ANO3: variants seen among roughly 807,000 people sequenced by gnomAD.
ANO3 encodes the protein anoctamin-3.
In ANO3, 99 loss-of-function variants were observed where a neutral mutation model predicts 144.8. That is an observed-to-expected ratio of 0.68 (90% CI 0.58 to 0.81). The LOEUF (loss-of-function observed/expected upper bound fraction) is 0.81, where lower values mean the gene tolerates loss of function less well. Ranked by LOEUF, ANO3 falls within the 30% of genes least tolerant of loss-of-function variation. The pLI is 0.00. For missense variants in ANO3, 905 were observed against 1,202.2 expected (o/e 0.75, Z 3.66); for synonymous variants, 414 against 392.6 (o/e 1.05, Z -0.64).
At chr11:26,494,655 G>T (rs11029583) in intron 4 of ANO3, among the ~76,000 whole-genome samples, 25,172 of 152,182 alleles carry the variant, frequency 0.17, 2,254 homozygotes, top group South Asian at 0.29. Flanking sequence ...TAGATTTCAT[G>T]TAAGAAATTC....
intron 1 of ANO3, chr11:26,287,579 T>C (rs894862197): frequency 6.6e-6 from 1 of 152,162 alleles, no homozygotes; most frequent in African/African-American, 2.4e-5. Context: ...AAATATATGA[T>C]AAGTACTGTT....
At chr11:26,657,843 A>G (rs1312420193) in intron 26 of ANO3, among the ~76,000 whole-genome samples, 3 of 152,158 alleles carry the variant, frequency 2.0e-5, no homozygotes, top group Non-Finnish European at 4.4e-5. Flanking sequence ...TGTCTTCCGT[A>G]TGATATTTCA....
intron 17 of ANO3, among the ~76,000 whole-genome samples, chr11:26,618,946 A>T (rs541805427): frequency 3.0e-4 from 45 of 152,262 alleles, no homozygotes; most frequent in South Asian, 2.7e-3. Context: ...TTGTTTGGAC[A>T]TGTCAATTAT....
At chr11:26,341,172 A>T (rs981192608) in intron 1 of ANO3, among the ~76,000 whole-genome samples, 1 of 151,136 alleles carries the variant, frequency 6.6e-6, no homozygotes, top group Non-Finnish European at 1.5e-5. Context: ...TTTGCAAAAC[A>T]GCGGGCTTTG....
At chr11:26,463,898 C>CT (rs905790839) in intron 4 of ANO3, among the ~76,000 whole-genome samples, 2,784 of 145,702 alleles carry the variant, frequency 0.019, 41 homozygotes, top group Non-Finnish European at 0.029. Context: ...GATAAGCTCA[C>CT]TTTTTTTTTT....
Position 26,630,504 on chromosome 11 carries a change from A to T in ANO3, c.1874-3700A>T, listed in dbSNP as rs568200322. On this transcript the variant is annotated intron_variant, in intron 18 of 26. Transcript: ENST00000256737. Reference sequence around the variant, plus strand: ...CTATTACTAAATCCTGTTTTAGGATATCCAAACTATCCAAACACTTTTCTT... The same window carrying T: ...CTATTACTAAATCCTGTTTTAGGATTTCCAAACTATCCAAACACTTTTCTT... Among the ~76,000 whole-genome samples, 3 of 152,370 alleles carry T rather than the reference A, an allele frequency of 2.0e-5. No individual in the cohort carries two copies. In the South Asian group the frequency reaches 6.2e-4, roughly 32 times the overall value.
In ANO3 at chr11:26,641,938, A is replaced by G. The variant is rs1286244802; in HGVS notation, c.2184A>G (p.Gly728=). The G allele has an allele frequency of 6.2e-7, 1 of 1,613,976 alleles. No individual in the cohort carries two copies. The highest frequency in any genetic ancestry group is 1.1e-5 in the South Asian group (1 of 91,078). ...GGTCACGACATAAAATCAAGCGGGG[A>G]ATACATGATGCTTCCATACCTCAGT... ...NWWSRHKIKR[G]IHDASIPQWE... The change falls in exon 22 of 27, where the codon GGA becomes GGG. Residue 728 remains glycine (G), a synonymous_variant. Coordinates refer to ENST00000256737, the MANE Select transcript of ANO3 (RefSeq NM_031418.4).
At chr11:26,361,837 C>T (rs2133925674) in intron 1 of ANO3, among the ~76,000 whole-genome samples, 1 of 152,230 alleles carries the variant, frequency 6.6e-6, no homozygotes, top group Non-Finnish European at 1.5e-5. Context: ...TCTGCCTCTG[C>T]CTGTGGGTGG....
chr11:26,579,762 T>G lies in ANO3; in HGVS notation c.1448-18603T>G, dbSNP rs997428641. On this transcript the variant is annotated intron_variant, in intron 14 of 26. Coordinates refer to ENST00000256737, the MANE Select transcript of ANO3 (RefSeq NM_031418.4). ...GAAAAAGATCCAGTTAAAGTTGTTA[T>G]GAATCCCCTCTTTTAAATATAAGTA... Among the ~76,000 whole-genome samples, 7 of 152,254 alleles carry G rather than the reference T, an allele frequency of 4.6e-5. No homozygotes were observed. In the East Asian group the frequency reaches 9.6e-4, roughly 21 times the overall value.
At chr11:26,245,243 C>T (rs1852763918) in intron 1 of ANO3, among the ~76,000 whole-genome samples, 1 of 152,118 alleles carries the variant, frequency 6.6e-6, no homozygotes, top group African/African-American at 2.4e-5. Context: ...AAACTTTAGT[C>T]AGAATTTGAA....
chr11:26,191,311 C>T (rs1445635970), intron 1 of ANO3, among the ~76,000 whole-genome samples: 1 of 150,938 alleles, frequency 6.6e-6, no homozygotes, highest in Admixed American at 6.7e-5. Context: ...TATATACACA[C>T]ACACACATAT....
At chr11:26,583,499 G>T (rs556731737) in intron 14 of ANO3, among the ~76,000 whole-genome samples, 1 of 152,176 alleles carries the variant, frequency 6.6e-6, no homozygotes, top group African/African-American at 2.4e-5. Flanking sequence ...CGGTCCAAAT[G>T]TTCAAAATCT....
intron 1 of ANO3, among the ~76,000 whole-genome samples, chr11:26,379,786 G>A (rs1563957): frequency 0.93 from 141,893 of 152,130 alleles, 66,329 homozygotes; most frequent in East Asian, 1. Flanking sequence ...GTAAAACCCC[G>A]TTTCAAAAAA....
chr11:26,466,161 C>A lies in ANO3; in HGVS notation c.432+3013C>A, dbSNP rs982440006. Reference sequence around the variant, plus strand: ...TATGGCAAACAGTAAATAGCTTTTGCTATCCAAGTACTAACTGGGATGCAG... The same window carrying A: ...TATGGCAAACAGTAAATAGCTTTTGATATCCAAGTACTAACTGGGATGCAG... On this transcript the variant is annotated intron_variant, in intron 4 of 26. Transcript: ENST00000256737. Among the ~76,000 whole-genome samples the A allele has an allele frequency of 1.4e-4, 21 of 151,792 alleles. No homozygotes were observed. The South Asian group carries it at 2.3e-3, about 16-fold the overall frequency.
intron 1 of ANO3, among the ~76,000 whole-genome samples, chr11:26,366,705 G>T (rs564803437): frequency 2.0e-3 from 310 of 151,920 alleles, no homozygotes; most frequent in African/African-American, 7.1e-3. Flanking sequence ...TTGTGGTTTT[G>T]ATTTGCATTT....
intron 1 of ANO3, among the ~76,000 whole-genome samples, chr11:26,405,689 T>G (rs1373704359): frequency 6.6e-6 from 1 of 151,942 alleles, no homozygotes; most frequent in Non-Finnish European, 1.5e-5. Flanking sequence ...AGAAAATAAT[T>G]TACTTTCTCT....
At chr11:26,552,688 A>G (rs1849965265) in intron 12 of ANO3, among the ~76,000 whole-genome samples, 1 of 152,144 alleles carries the variant, frequency 6.6e-6, no homozygotes, top group Non-Finnish European at 1.5e-5. Flanking sequence ...ACATATTTAC[A>G]TAAATATAAA....
rs548515390 is a variant in ANO3, at chr11:26,310,539, A to G, written c.-3+820A>G. Among the ~76,000 whole-genome samples the G allele has an allele frequency of 2.6e-5, 4 of 152,332 alleles. No homozygotes were observed. In the South Asian group the frequency reaches 8.3e-4, roughly 32 times the overall value. ...ACTGAGAGGTGTACATTGGACTACC[A>G]TAGCCTAATGCTATTAACTTTTTAA... On this transcript the variant is annotated intron_variant, in intron 1 of 26. Transcript: ENST00000525139.
chr11:26,593,031 C>T (rs1249464346), intron 14 of ANO3, among the ~76,000 whole-genome samples: 1 of 151,918 alleles, frequency 6.6e-6, no homozygotes, highest in Non-Finnish European at 1.5e-5. Flanking sequence ...CTTGGTGGTT[C>T]CCTTCTATTT....
Sources: allele counts gnomAD v4.1 joint callset (sites outside exome capture counted in the v4.1 genomes callset), GRCh38; gene constraint gnomAD v4.1.1; transcripts MANE v1.5; gene names NCBI Gene and HGNC (gene_info 2026-07-23, HGNC 2026-07-21).